Variants in SEC14L1 observed in about 807,000 individuals in gnomAD.
SEC14L1 encodes SEC14 like lipid binding 1.
SEC14L1 carries 48 observed loss-of-function variants against 85.3 expected under a neutral mutation model. The ratio of observed to expected loss-of-function variants is 0.56; its 90% CI spans 0.45 to 0.72. The LOEUF (loss-of-function observed/expected upper bound fraction) is 0.72, where lower values mean the gene tolerates loss of function less well. SEC14L1 is among the 30% of genes least tolerant of loss of function. The probability of loss-of-function intolerance (pLI) is 0.00; values close to 1 mark genes in which losing one functional copy is unlikely to be tolerated. For synonymous variants in SEC14L1, 391 were observed against 355.5 expected (o/e 1.10, Z -1.12); for missense variants, 682 against 921.4 (o/e 0.74, Z 3.36).
At position 77,203,637 on chromosome 17, in the gene SEC14L1, G is replaced by A. The variant is rs61742090; in HGVS notation, c.1077G>A (p.Gly359=). The change falls in exon 10 of 17, where the codon GGG becomes GGA. Residue 359 remains glycine, a synonymous_variant. Transcript: ENST00000436233. The part of the protein sequence containing the change: ...MDTKGLVRAL[G]EEALLRYVLS... ...CCAAAGGCTTGGTGAGAGCGCTCGGGGAGGAAGCCCTGCTGAGATACGTAA... is the reference window on the plus strand; with the variant it reads ...CCAAAGGCTTGGTGAGAGCGCTCGGAGAGGAAGCCCTGCTGAGATACGTAA... The A allele has an allele frequency of 6.9e-4, 1,113 of 1,613,600 alleles. 4 individuals are homozygous for A. The African/African-American group carries it at 0.013, about 20-fold the overall frequency.
chr17:77,195,147 T>G, intron 7 of SEC14L1: 1 of 547,188 alleles, frequency 1.8e-6, no homozygotes, highest in South Asian at 2.4e-5. Flanking sequence ...TATTCTTTTA[T>G]GGATACCAGA....
intron 3 of SEC14L1, among the ~76,000 whole-genome samples, chr17:77,135,792 T>G (rs1480010490): frequency 6.6e-6 from 1 of 152,164 alleles, no homozygotes; most frequent in African/African-American, 2.4e-5. Context: ...CCTTCCAACT[T>G]GGCTTCCCAA....
At chr17:77,184,004 T>G (rs529549827) in intron 3 of SEC14L1, among the ~76,000 whole-genome samples, 1 of 152,340 alleles carries the variant, frequency 6.6e-6, no homozygotes, top group East Asian at 1.9e-4. Flanking sequence ...CAGGCGGGTC[T>G]CGAACTCCTG....
At chr17:77,118,227 C>T (rs1418111824) in intron 3 of SEC14L1, among the ~76,000 whole-genome samples, 1 of 152,242 alleles carries the variant, frequency 6.6e-6, no homozygotes, top group Non-Finnish European at 1.5e-5. Flanking sequence ...ATCCTGAAGC[C>T]TTCTTACCTA....
At chr17:77,120,757 G>A (rs939644779) in intron 3 of SEC14L1, among the ~76,000 whole-genome samples, 12 of 152,176 alleles carry the variant, frequency 7.9e-5, no homozygotes, top group Admixed American at 2.0e-4. Flanking sequence ...GATTACAGGC[G>A]TGAGCCACTG....
At chr17:77,140,379 C>T (rs1287718971), upstream of SEC14L1, among the ~76,000 whole-genome samples, 3 of 152,208 alleles carry the variant, frequency 2.0e-5, no homozygotes, top group Non-Finnish European at 4.4e-5. Context: ...AGCCCTGGGC[C>T]GCGCAGCACC....
Position 77,213,262 on chromosome 17 carries a change from C to T in SEC14L1, c.1864-52C>T. 1 of 1,510,972 alleles carries T rather than the reference C, an allele frequency of 6.6e-7. No homozygotes were observed. 93.6% of individuals were successfully genotyped at this position (1,510,972 alleles called of 1,614,324 possible). ...TGGCGCTTGTCAGGCCTGTGGTAGG[C>T]CAGGGGTCGGAAGCGAGTCGCCCTC... On this transcript the variant is annotated intron_variant, in intron 15 of 16. Transcript: ENST00000436233. The surrounding 1 kb of genome is among the most constrained non-coding windows in gnomAD (Gnocchi z 7.1).
At chr17:77,158,264 C>T (rs1273887583) in intron 3 of SEC14L1, among the ~76,000 whole-genome samples, 5 of 152,206 alleles carry the variant, frequency 3.3e-5, no homozygotes, top group Non-Finnish European at 7.3e-5. Context: ...CACCATCCAT[C>T]TCCAGAACTT....
In SEC14L1 at chr17:77,214,762, T is replaced by C; in HGVS notation, c.*739T>C. ...CTTTTTAGAGCAGGATTTTTCTGTATGTGAACTTGGGTGGGGGGGTTCTTC... is the reference window on the plus strand; with the variant it reads ...CTTTTTAGAGCAGGATTTTTCTGTACGTGAACTTGGGTGGGGGGGTTCTTC... On this transcript the variant is annotated 3_prime_UTR_variant, in exon 17 of 17. Transcript: ENST00000436233. 2.0e-6 allele frequency: 2 copies of C among 985,546 alleles called. No individual in the cohort carries two copies. Among genetic ancestry groups the C allele is most frequent in the Non-Finnish European group, 2.4e-6 (2 of 829,984 alleles). 61.1% of individuals were successfully genotyped at this position (985,546 alleles called of 1,614,324 possible).
chr17:77,096,821 T>G lies in SEC14L1; in HGVS notation c.-136+3474T>G, dbSNP rs549487940. On this transcript the variant is annotated intron_variant, in intron 3 of 19. Coordinates refer to the SEC14L1 transcript ENST00000392476. ...TTGGTACAGAGTTTGGATTTTGGGG[T>G]TTTTTTGTTTTGTTTTGATTTGTGT... Among the ~76,000 whole-genome samples, 8 of 151,946 alleles carry G rather than the reference T, an allele frequency of 5.3e-5. No homozygotes were observed. The South Asian group carries it at 1.7e-3, about 32-fold the overall frequency.
chr17:77,203,685 G>T, intron 10 of SEC14L1, 27 bp downstream of exon 10: 1 of 1,579,400 alleles, frequency 6.3e-7, no homozygotes, highest in Non-Finnish European at 8.6e-7. Flanking sequence ...GAGACTCCAG[G>T]TGCCACTGTG....
intron 13 of SEC14L1, 142 bp from the exon 14 acceptor site, chr17:77,209,199 GT>G: frequency 4.4e-6 from 4 of 910,672 alleles, no homozygotes; most frequent in Non-Finnish European, 4.9e-6. Context: ...AGTGCAGAGT[GT>G]TTTACGACCC....
chr17:77,201,345 C>T (rs948260847), intron 9 of SEC14L1, among the ~76,000 whole-genome samples: 2 of 152,184 alleles, frequency 1.3e-5, no homozygotes, highest in Non-Finnish European at 2.9e-5. Context: ...GTTCTTTTAC[C>T]CTCTGAACAA....
intron 3 of SEC14L1, among the ~76,000 whole-genome samples, chr17:77,173,288 G>A (rs140103897): frequency 7.4e-4 from 112 of 152,032 alleles, no homozygotes; most frequent in East Asian, 7.7e-4. Context: ...GTCTCGCACC[G>A]AAGTCTTCCT....
intron 5 of SEC14L1, among the ~76,000 whole-genome samples, chr17:77,191,763 G>C (rs9903336): frequency 0.27 from 40,507 of 148,976 alleles, 5,557 homozygotes; most frequent in Middle Eastern, 0.35. Flanking sequence ...GGCTGGTCTG[G>C]AACTCCTGAC....
rs1015194050 is a variant in SEC14L1, at chr17:77,142,416, T to C, written c.-135-230T>C. On this transcript the variant is annotated intron_variant, in intron 1 of 16. Coordinates refer to ENST00000436233, the MANE Select transcript of SEC14L1 (RefSeq NM_001143998.2). ...ATGGGGAAACCTTCTACAAAAAATATATATGGTGGTGCGTGCCTGTGGTCC... is the reference window on the plus strand; with the variant it reads ...ATGGGGAAACCTTCTACAAAAAATACATATGGTGGTGCGTGCCTGTGGTCC... Among the ~76,000 whole-genome samples, 9 of 151,634 alleles carry C rather than the reference T, an allele frequency of 5.9e-5. 1 individual carries two copies. The highest frequency in any genetic ancestry group is 5.3e-4 in the Admixed American group (8 of 15,224).
Position 77,205,963 on chromosome 17 carries a change from A to G in SEC14L1, c.1170-266A>G, listed in dbSNP as rs12600479. On this transcript the variant is annotated intron_variant, in intron 11 of 16. Coordinates refer to ENST00000436233, the MANE Select transcript of SEC14L1 (RefSeq NM_001143998.2). ...ACACTGTGGCTTTGCTTGCCGGCTC[A>G]CTGAGCATATCTGAGAGAGCTTTTC... 1.5e-3 allele frequency among the ~76,000 whole-genome samples: 226 copies of G among 152,318 alleles called. No individual in the cohort carries two copies. In the East Asian group the frequency reaches 0.034, roughly 23 times the overall value.
chr17:77,148,188 G>A (rs1973398137), intron 3 of SEC14L1, among the ~76,000 whole-genome samples: 3 of 152,112 alleles, frequency 2.0e-5, no homozygotes, highest in Admixed American at 6.5e-5. Context: ...TGAAGGAGGC[G>A]GGAGGCCACC....
chr17:77,180,727 T>C (rs1598354892), intron 3 of SEC14L1, among the ~76,000 whole-genome samples: 1 of 152,342 alleles, frequency 6.6e-6, no homozygotes, highest in East Asian at 1.9e-4. Flanking sequence ...CTAGCTGTGG[T>C]TGCTCTGGGC....
Sources: allele counts gnomAD v4.1 joint callset (sites outside exome capture counted in the v4.1 genomes callset), GRCh38; gene constraint gnomAD v4.1.1; non-coding constraint Gnocchi (gnomAD v3.1); transcripts MANE v1.5; gene names NCBI Gene and HGNC (gene_info 2026-07-23, HGNC 2026-07-21).